RIF1: variants seen among roughly 807,000 people sequenced by gnomAD.
RIF1 encodes telomere-associated protein RIF1.
A neutral mutation model predicts 247.1 loss-of-function variants in RIF1; 45 were observed. The ratio of observed to expected loss-of-function variants is 0.18; its 90% confidence interval spans 0.14 to 0.23. The LOEUF (loss-of-function observed/expected upper bound fraction) is 0.23, where lower values mean the gene tolerates loss of function less well. Ranked by LOEUF, RIF1 falls within the 10% of genes least tolerant of loss-of-function variation. RIF1 has a pLI of 1.00. For missense variants in RIF1, 2,967 were observed against 2,862.5 expected (o/e 1.04, Z -0.83); for synonymous variants, 1,087 against 978.8 (o/e 1.11, Z -2.06).
chr2:151,465,767 A>C lies in RIF1; in HGVS notation c.6247A>C (p.Asn2083His), dbSNP rs1270172100. 12 of 1,613,326 alleles carry C rather than the reference A, an allele frequency of 7.4e-6. No homozygotes were observed. The Admixed American group carries it at 2.0e-4, about 27-fold the overall frequency. ...MSTEEGIIDA[N>H]KTETNTEYSK... ...CACTGAAGAAGGAATCATTGACGCT[A>C]ATAAAACTGAAACAAATACTGAGTA... Residue 2083 changes from asparagine to histidine, a missense_variant, in exon 30 of 36, where the codon AAT (asparagine) becomes CAT (histidine). This residue lies in a region of RIF1 where 2,028 missense variants were observed against 1,825.6 expected (regional missense o/e 1.11). Coordinates refer to ENST00000444746, the MANE Select transcript of RIF1 (RefSeq NM_018151.5).
At position 151,409,995 on chromosome 2, in the gene RIF1, G is replaced by A. The variant is rs769379465; in HGVS notation, c.-49G>A. ...AGCTCTGGCAGCGTCTGGGTGCTGA[G>A]GGGCAGAGGCGGAGAGAACCCTGTC... On this transcript the variant is annotated 5_prime_UTR_variant, in exon 1 of 36. Coordinates refer to ENST00000444746, the MANE Select transcript of RIF1 (RefSeq NM_018151.5). 4.3e-6 allele frequency: 3 copies of A among 702,500 alleles called. No homozygotes were observed. Among genetic ancestry groups the A allele is most frequent in the Non-Finnish European group, 7.8e-6 (3 of 384,816 alleles). 43.5% of individuals were successfully genotyped at this position (702,500 alleles called of 1,614,324 possible).
At chr2:151,491,872 T>A (rs2056875777) in intron 9 of RIF1, 1 of 1,067,652 alleles carries the variant, frequency 9.4e-7, no homozygotes, top group Non-Finnish European at 1.4e-6. Context: ...AAGGATTGAA[T>A]CACACTTATT....
chr2:151,525,106 A>C, the RIF1 span: 3 of 1,203,096 alleles, frequency 2.5e-6, no homozygotes, highest in Non-Finnish European at 2.5e-6. Flanking sequence ...AGAATGCACC[A>C]ATCTGGGTTC....
intron 7 of RIF1, among the ~76,000 whole-genome samples, chr2:151,422,361 G>A (rs1220051198): frequency 6.6e-6 from 1 of 152,060 alleles, no homozygotes; most frequent in African/African-American, 2.4e-5. Flanking sequence ...ATTGATGGAT[G>A]GTAGGATGGC....
chr2:151,482,365 G>A (rs538459400), downstream of RIF1, among the ~76,000 whole-genome samples: 1 of 152,156 alleles, frequency 6.6e-6, no homozygotes, highest in South Asian at 2.1e-4. Context: ...TCTGATTTAT[G>A]CATAGTTTTA....
At position 151,456,723 on chromosome 2, in the gene RIF1, ATTCC is replaced by A. The variant is rs1695250360; in HGVS notation, c.2652+107_2652+110del. The A allele has an allele frequency of 1.8e-5, 12 of 652,654 alleles. No individual in the cohort carries two copies. In the East Asian group the frequency reaches 3.6e-4, roughly 20 times the overall value. The allele number at this position is 652,654 out of a possible 1,614,324, so 40.4% of individuals were successfully genotyped here. A position where few individuals can be genotyped will look rare whatever the true frequency, so the allele number is the denominator to read the frequency against. ...AATTCTGCTGATTTTTAAAGGGGTTATTCCTTCTTTCTTTCTTTTTTTCCTGGAG... is the reference window on the plus strand; with the variant it reads ...AATTCTGCTGATTTTTAAAGGGGTTATTCTTTCTTTCTTTTTTTCCTGGAG... On this transcript the variant is annotated intron_variant, in intron 23 of 35. Transcript: ENST00000444746.
chr2:151,418,712 T>C (rs1478923466), intron 6 of RIF1, among the ~76,000 whole-genome samples: 1 of 151,974 alleles, frequency 6.6e-6, no homozygotes, highest in Non-Finnish European at 1.5e-5. Flanking sequence ...CCATCTCTAC[T>C]GAAAATACAA....
At chr2:151,492,194 T>C (rs1241944376) in intron 9 of RIF1, 3 of 1,613,982 alleles carry the variant, frequency 1.9e-6, no homozygotes, top group South Asian at 1.1e-5. Context: ...AAGTCCTGCA[T>C]GTTCTTCTTT....
intron 10 of RIF1, among the ~76,000 whole-genome samples, chr2:151,433,586 C>G (rs1258049033): frequency 6.6e-6 from 1 of 152,052 alleles, no homozygotes; most frequent in African/African-American, 2.4e-5. Context: ...TCCCGAGTAG[C>G]TGGGACTGCA....
chr2:151,437,405 A>T (rs1691435589), intron 13 of RIF1, 54 bp downstream of exon 13: 1 of 1,389,960 alleles, frequency 7.2e-7, no homozygotes, highest in African/African-American at 1.4e-5. Flanking sequence ...AAGAAGAAAA[A>T]ATAGGCCAGT....
At chr2:151,483,825 T>C (rs911392297), downstream of RIF1, among the ~76,000 whole-genome samples, 2 of 152,120 alleles carry the variant, frequency 1.3e-5, no homozygotes, top group African/African-American at 4.8e-5. Context: ...CAGTAAATTC[T>C]TCATGAACTG....
intron 9 of RIF1, chr2:151,490,208 T>C: frequency 8.5e-7 from 1 of 1,170,878 alleles, no homozygotes. Flanking sequence ...TCAAAGAAAA[T>C]GAAACATCTA....
chr2:151,503,231 C>T (rs762674980), intron 12 of RIF1: 28 of 759,132 alleles, frequency 3.7e-5, no homozygotes, highest in Non-Finnish European at 5.5e-5. Flanking sequence ...TAATAATACA[C>T]AACACACACA....
chr2:151,437,236 T>C lies in RIF1; in HGVS notation c.1373-5T>C, dbSNP rs1158917043. On this transcript the variant is annotated splice_region_variant and splice_polypyrimidine_tract_variant and intron_variant, in intron 12 of 35. Coordinates refer to ENST00000444746, the MANE Select transcript of RIF1 (RefSeq NM_018151.5). ...ACATAATTATCTTTTATTCTTCCCT[T>C]TCAGAGCCATTGGAACATCCGTTAA... is the stretch of plus-strand genomic sequence containing the variant. 1 of 1,599,358 alleles carries C rather than the reference T, an allele frequency of 6.3e-7. No homozygotes were observed. The highest frequency in any genetic ancestry group is 1.3e-5 in the African/African-American group (1 of 74,710).
chr2:151,459,053 T>G, intron 25 of RIF1, 143 bp downstream of exon 25: 1 of 544,026 alleles, frequency 1.8e-6, no homozygotes, highest in Non-Finnish European at 3.2e-6. Flanking sequence ...CTGAAATTTC[T>G]TTTGTGATTT....
In RIF1 at chr2:151,464,223, G is replaced by T; in HGVS notation, c.4703G>T (p.Arg1568Ile). 6.2e-7 allele frequency: 1 copy of T among 1,613,726 alleles called. No homozygotes were observed. Among genetic ancestry groups the T allele is most frequent in the Non-Finnish European group, 8.5e-7 (1 of 1,179,934 alleles). ...EAKEEGSRKKRSGKWKNKSNE... is the reference protein window; with the variant it reads ...EAKEEGSRKKISGKWKNKSNE... ...AAAGAAGAAGGTTCTAGGAAGAAGA[G>T]ATCTGGAAAATGGAAAAACAAAAGC... Residue 1568 changes from arginine (R) to isoleucine (I), a missense_variant, in exon 30 of 36, where the codon AGA becomes ATA. Around this residue, in one of 7 missense-constraint regions of RIF1, gnomAD observed 2,028 missense variants for 1,825.6 expected, o/e 1.11. Transcript: ENST00000444746.
chr2:151,445,352 T>C lies in RIF1; in HGVS notation c.2001T>C (p.Asn667=), dbSNP rs765801710. ...TELINQTNEV[N]QGDALEHNFS... ...TCTTGTTTTAGACCAATGAAGTAAA[T>C]CAAGGTGATGCCTTAGAACATAATT... is the stretch of plus-strand genomic sequence containing the variant. The change falls in exon 19 of 36, where the codon AAT becomes AAC. Residue 667 remains asparagine, a synonymous_variant. Transcript: ENST00000444746. 6.3e-7 allele frequency: 1 copy of C among 1,591,318 alleles called. No homozygotes were observed. Among genetic ancestry groups the C allele is most frequent in the Non-Finnish European group, 8.6e-7 (1 of 1,159,260 alleles).
chr2:151,438,658 A>G, intron 13 of RIF1, 26 bp from the exon 14 acceptor site: 1 of 1,550,882 alleles, frequency 6.4e-7, no homozygotes, highest in Non-Finnish European at 8.9e-7. Context: ...TTCATTTAAA[A>G]TACTCAAGTT....
intron 20 of RIF1, among the ~76,000 whole-genome samples, chr2:151,450,699 C>G: frequency 6.6e-6 from 1 of 151,910 alleles, no homozygotes. Flanking sequence ...TTCTCCTGCC[C>G]CAGCCTCCCG....
Sources: gnomAD v4.1 joint callset for allele counts (sites outside exome capture counted in the v4.1 genomes callset) on GRCh38, gnomAD v4.1.1 for gene constraint, gnomAD v4.1.1 regional missense constraint, MANE v1.5 for transcripts, NCBI Gene and HGNC (gene_info 2026-07-23, HGNC 2026-07-21) for gene names.